CSMD1: variants seen among roughly 807,000 people sequenced by gnomAD.
CSMD1 encodes CUB and Sushi multiple domains 1.
In CSMD1, 213 loss-of-function variants were observed where a neutral mutation model predicts 417.5. That is an observed-to-expected ratio of 0.51 (90% confidence interval 0.46 to 0.57). CSMD1 has a LOEUF of 0.57. Among genes scored for constraint, CSMD1 ranks in the 20% least tolerant of loss-of-function variants. The pLI, the probability that CSMD1 is intolerant of heterozygous loss-of-function variation, is 0.00. For missense variants in CSMD1, 6,923 were observed against 4,529.7 expected (o/e 1.53, Z -15.17); for synonymous variants, 2,862 against 1,736.8 (o/e 1.65, Z -16.11).
chr8:3,985,267 C>T (rs1377517636), intron 5 of CSMD1, among the ~76,000 whole-genome samples: 3 of 152,134 alleles, frequency 2.0e-5, no homozygotes, highest in African/African-American at 7.2e-5. Flanking sequence ...ACAAATTTCC[C>T]ACACCATGCA....
intron 2 of CSMD1, among the ~76,000 whole-genome samples, chr8:4,438,986 A>G (rs1273712068): frequency 6.6e-6 from 1 of 152,120 alleles, no homozygotes; most frequent in Non-Finnish European, 1.5e-5. Flanking sequence ...TCAGTCCTAG[A>G]CGTTTGGGGC....
chr8:4,236,039 GTTTTTTTTTTTTTTTTTT>G (rs869245155), intron 3 of CSMD1, among the ~76,000 whole-genome samples: 1 of 31,686 alleles, frequency 3.2e-5, no homozygotes, highest in Non-Finnish European at 9.5e-5. Flanking sequence ...TTTTTTGTTT[GTTTTTTTTTTTTTTTTTT>G]TTTTTTTTTT....
At chr8:2,983,329 G>A (rs931520603) in intron 54 of CSMD1, among the ~76,000 whole-genome samples, 37 of 152,112 alleles carry the variant, frequency 2.4e-4, no homozygotes, top group African/African-American at 8.4e-4. Flanking sequence ...TGGTACTACA[G>A]GCACCCGCCA....
intron 1 of CSMD1, among the ~76,000 whole-genome samples, chr8:4,812,273 G>C (rs1421541854): frequency 6.6e-6 from 1 of 152,160 alleles, no homozygotes; most frequent in East Asian, 1.9e-4. Flanking sequence ...TTCTAAGTTT[G>C]TCGGGGAGGT....
intron 4 of CSMD1, among the ~76,000 whole-genome samples, chr8:4,022,793 G>C (rs1167209963): frequency 6.6e-6 from 1 of 152,204 alleles, no homozygotes; most frequent in African/African-American, 2.4e-5. Context: ...CACATATTAA[G>C]CAATCGTGTA....
At chr8:4,909,533 T>G (rs561148153) in intron 1 of CSMD1, among the ~76,000 whole-genome samples, 1 of 152,156 alleles carries the variant, frequency 6.6e-6, no homozygotes, top group Non-Finnish European at 1.5e-5. Context: ...TAGAAGGATC[T>G]AGGATACTTC....
intron 3 of CSMD1, among the ~76,000 whole-genome samples, chr8:4,059,675 A>C (rs1345811700): frequency 6.6e-6 from 1 of 152,216 alleles, no homozygotes; most frequent in African/African-American, 2.4e-5. Flanking sequence ...CTCTACGCAA[A>C]TAAACTAGAA....
intron 1 of CSMD1, among the ~76,000 whole-genome samples, chr8:4,993,964 G>A (rs1195065882): frequency 2.0e-5 from 3 of 152,014 alleles, no homozygotes; most frequent in Non-Finnish European, 4.4e-5. Flanking sequence ...CTGCCCCTCA[G>A]CCACCCCGAC....
chr8:3,957,658 TG>T (rs1266282065), intron 5 of CSMD1, among the ~76,000 whole-genome samples: 1 of 151,132 alleles, frequency 6.6e-6, no homozygotes, highest in Admixed American at 6.6e-5. Flanking sequence ...CACTCCAGCC[TG>T]GGCTATTAAC....
At chr8:4,736,895 T>C (rs1439580113) in intron 1 of CSMD1, among the ~76,000 whole-genome samples, 1 of 152,170 alleles carries the variant, frequency 6.6e-6, no homozygotes, top group African/African-American at 2.4e-5. Flanking sequence ...GTAAATGTTA[T>C]CAGCTGTCAT....
intron 2 of CSMD1, among the ~76,000 whole-genome samples, chr8:4,475,115 T>C (rs922388349): frequency 6.6e-6 from 1 of 152,202 alleles, no homozygotes; most frequent in Admixed American, 6.5e-5. Flanking sequence ...ATATGTGTTT[T>C]AGGATGCTTT....
intron 2 of CSMD1, among the ~76,000 whole-genome samples, chr8:4,572,439 T>C (rs1054161425): frequency 1.3e-5 from 2 of 152,226 alleles, no homozygotes; most frequent in Non-Finnish European, 1.5e-5. Context: ...ATGTTGAATA[T>C]TGGCCCCCAC....
intron 10 of CSMD1, among the ~76,000 whole-genome samples, chr8:3,570,704 G>A (rs1023681466): frequency 6.6e-6 from 1 of 152,130 alleles, no homozygotes; most frequent in Non-Finnish European, 1.5e-5. Flanking sequence ...TGGCTCTTCT[G>A]TTAGTTACAG....
At chr8:4,568,814 T>C (rs551734434) in intron 2 of CSMD1, among the ~76,000 whole-genome samples, 14 of 152,336 alleles carry the variant, frequency 9.2e-5, no homozygotes, top group African/African-American at 3.4e-4. Context: ...ATGGTCATTC[T>C]AACTGGCATG....
At chr8:4,749,403 T>C (rs894171442) in intron 1 of CSMD1, among the ~76,000 whole-genome samples, 1 of 152,232 alleles carries the variant, frequency 6.6e-6, no homozygotes, top group African/African-American at 2.4e-5. Flanking sequence ...AAACACTTCA[T>C]ATATTCTGAA....
At chr8:3,260,047 C>T (rs911798641) in intron 26 of CSMD1, among the ~76,000 whole-genome samples, 10 of 152,172 alleles carry the variant, frequency 6.6e-5, no homozygotes, top group Non-Finnish European at 1.5e-4. Context: ...TGCTCCTCCC[C>T]GGTACAGAAC....
At chr8:3,210,873 C>T (rs1797564047) in intron 30 of CSMD1, among the ~76,000 whole-genome samples, 1 of 151,864 alleles carries the variant, frequency 6.6e-6, no homozygotes, top group Admixed American at 6.6e-5. Context: ...TATTAGTTAA[C>T]AAAAGTACAG....
At chr8:4,932,568 T>C (rs1361292538) in intron 1 of CSMD1, among the ~76,000 whole-genome samples, 1 of 152,192 alleles carries the variant, frequency 6.6e-6, no homozygotes, top group Non-Finnish European at 1.5e-5. Context: ...TGTGCTCTTG[T>C]CTTAGAAATA....
At position 4,202,258 on chromosome 8, in the gene CSMD1, G is replaced by T. The variant is rs190773309; in HGVS notation, c.416-170159C>A. Among the ~76,000 whole-genome samples, 19 of 152,208 alleles carry T rather than the reference G, an allele frequency of 1.2e-4. 1 individual carries two copies. The East Asian group carries it at 3.7e-3, about 29-fold the overall frequency. Reference sequence around the variant, plus strand: ...TGCCTTATCTTCACAATTCAGTTAAGATTTTATTCATGTTACTGATTATGC... The same window carrying T: ...TGCCTTATCTTCACAATTCAGTTAATATTTTATTCATGTTACTGATTATGC... On this transcript the variant is annotated intron_variant, in intron 3 of 69. Transcript: ENST00000635120.
Sources: allele counts gnomAD v4.1 joint callset (sites outside exome capture counted in the v4.1 genomes callset), GRCh38; gene constraint gnomAD v4.1.1; transcripts MANE v1.5; gene names NCBI Gene and HGNC (gene_info 2026-07-23, HGNC 2026-07-21).